The following COL5A1 variants were observed in gnomAD, a reference collection of about 807,000 sequenced individuals.
COL5A1 encodes collagen alpha-1(V) chain.
A neutral mutation model predicts 263.7 loss-of-function variants in COL5A1; 16 were observed. The observed-to-expected ratio is 0.06, with a 90% CI of 0.04 to 0.09. The LOEUF is 0.09. Ranked by LOEUF, COL5A1 falls within the 10% of genes least tolerant of loss-of-function variation. The probability of loss-of-function intolerance (pLI) is 1.00; values close to 1 mark genes in which losing one functional copy is unlikely to be tolerated. For synonymous variants in COL5A1, 1,012 were observed against 1,004.5 expected, an observed-to-expected ratio of 1.01 and a Z score of -0.14; for missense variants, 2,036 against 2,540.5, an observed-to-expected ratio of 0.80 and a Z score of 4.27.
intron 34 of COL5A1, among the ~76,000 whole-genome samples, chr9:134,795,829 C>T (rs1385294309): frequency 1.3e-5 from 2 of 152,260 alleles, no homozygotes; most frequent in Non-Finnish European, 2.9e-5. Context: ...CCTACCTGTC[C>T]AGGATGCCAC....
intron 4 of COL5A1, among the ~76,000 whole-genome samples, chr9:134,720,929 C>T (rs917486230): frequency 7.2e-5 from 11 of 152,130 alleles, no homozygotes; most frequent in Non-Finnish European, 1.3e-4. Flanking sequence ...CTGTGAGGGG[C>T]GGCTCCAGGC....
chr9:134,687,586 G>A (rs1472677758), intron 1 of COL5A1, among the ~76,000 whole-genome samples: 2 of 152,138 alleles, frequency 1.3e-5, no homozygotes, highest in African/African-American at 4.8e-5. Flanking sequence ...TGAAGCTTTC[G>A]GAGCTGGCCT....
intron 57 of COL5A1, among the ~76,000 whole-genome samples, chr9:134,819,672 T>C (rs1838913656): frequency 6.6e-6 from 1 of 152,202 alleles, no homozygotes; most frequent in African/African-American, 2.4e-5. Context: ...GTGTCATGGA[T>C]TCTTCTTTTT....
intron 4 of COL5A1, among the ~76,000 whole-genome samples, chr9:134,719,482 GC>G (rs1309634297): frequency 1.3e-5 from 2 of 152,234 alleles, no homozygotes; most frequent in Non-Finnish European, 2.9e-5. Flanking sequence ...AGATCCTGGC[GC>G]TTGGCCTGCA....
intron 9 of COL5A1, among the ~76,000 whole-genome samples, chr9:134,738,220 G>A (rs530938008): frequency 4.5e-4 from 68 of 152,300 alleles, no homozygotes; most frequent in African/African-American, 1.5e-3. Flanking sequence ...TTCTCGTGGC[G>A]CTGGTCTTGC....
At position 134,818,024 on chromosome 9, in the gene COL5A1, C is replaced by A. The variant is rs1378309397; in HGVS notation, c.4230+193C>A. 6.6e-6 allele frequency among the ~76,000 whole-genome samples: 1 copy of A among 152,194 alleles called. No homozygotes were observed. Among genetic ancestry groups the A allele is most frequent in the Non-Finnish European group, 1.5e-5 (1 of 68,032 alleles). ...CAAGGAGGCAGCCAAGTGGTGGCCA[C>A]AAGACTGGGGCCGTCTGCCTTGCCC... On this transcript the variant is annotated intron_variant, in intron 54 of 65. Transcript: ENST00000371817. The surrounding 1 kb of genome is among the most constrained non-coding windows in gnomAD (Gnocchi z 6.0).
intron 58 of COL5A1, 39 bp from the exon 59 acceptor site, chr9:134,822,058 G>C (rs765039461): frequency 3.1e-6 from 5 of 1,595,014 alleles, no homozygotes; most frequent in Middle Eastern, 1.8e-4. Context: ...GCTCCTCCTC[G>C]TCTGAAGGTG....
intron 1 of COL5A1, among the ~76,000 whole-genome samples, chr9:134,674,860 A>G (rs1344794162): frequency 6.6e-6 from 1 of 152,058 alleles, no homozygotes; most frequent in East Asian, 1.9e-4. Flanking sequence ...CAGCCTGGGT[A>G]ACAGAATGAG....
rs145134399 is a variant in COL5A1, at chr9:134,809,281, C to A, written c.3465C>A (p.Asp1155Glu). The stretch of plus-strand genomic sequence containing the variant: ...GCCCTGTGGGTCCCCCTGGAGAAGA[C>A]GGAGATAAGGTAAGGCAAATCCAGA... ...PAGPVGPPGE[D>E]GDKGEIGEPG... The change falls in exon 43 of 66, where the codon GAC (aspartate) becomes GAA (glutamate). Residue 1155 changes from aspartate (D) to glutamate (E), a missense_variant. Around this residue, in one of 3 missense-constraint regions of COL5A1, gnomAD observed 1,078 missense variants for 1,521.4 expected, o/e 0.71. Coordinates refer to ENST00000371817, the MANE Select transcript of COL5A1 (RefSeq NM_000093.5). The A allele has an allele frequency of 6.2e-7, 1 of 1,607,876 alleles. No homozygotes were observed. Among genetic ancestry groups the A allele is most frequent in the Non-Finnish European group, 8.5e-7 (1 of 1,177,774 alleles).
intron 62 of COL5A1, among the ~76,000 whole-genome samples, chr9:134,825,553 G>T (rs544378939): frequency 6.6e-5 from 10 of 152,092 alleles, no homozygotes; most frequent in African/African-American, 2.2e-4. Context: ...ACCAGAACAC[G>T]TACCCAGTTG....
At position 134,738,909 on chromosome 9, in the gene COL5A1, C is replaced by A. The variant is rs547769123; in HGVS notation, c.1494+101C>A. On this transcript the variant is annotated intron_variant, in intron 11 of 65. Coordinates refer to ENST00000371817, the MANE Select transcript of COL5A1 (RefSeq NM_000093.5). ...GAGCTGTCCCTGCCTGTGGAGGTGACCCAGAGGCTTGTGTCTTCAAATCCC... is the reference window on the plus strand; with the variant it reads ...GAGCTGTCCCTGCCTGTGGAGGTGAACCAGAGGCTTGTGTCTTCAAATCCC... 10 of 963,074 alleles carry A rather than the reference C, an allele frequency of 1.0e-5. No homozygotes were observed. The East Asian group carries it at 2.4e-4, about 23-fold the overall frequency. 59.7% of individuals were successfully genotyped at this position (963,074 alleles called of 1,614,324 possible).
chr9:134,793,669 T>A (rs1232497798), intron 32 of COL5A1, among the ~76,000 whole-genome samples: 1 of 148,714 alleles, frequency 6.7e-6, no homozygotes, highest in Non-Finnish European at 1.5e-5. Context: ...TGGGAATGAG[T>A]AAATCTGGCA....
rs144393449 is a variant in COL5A1, at chr9:134,682,885, C to T, written c.110-8027C>T. Among the ~76,000 whole-genome samples the T allele has an allele frequency of 3.9e-5, 6 of 152,318 alleles. No individual in the cohort carries two copies. In the East Asian group the frequency reaches 1.2e-3, roughly 29 times the overall value. On this transcript the variant is annotated intron_variant, in intron 1 of 65. Coordinates refer to ENST00000371817, the MANE Select transcript of COL5A1 (RefSeq NM_000093.5). This position sits in a 1 kb window ranked among gnomAD's most constrained non-coding sequence, Gnocchi z 5.1. ...CAGCACATCATCCGGTGGGGACAGA[C>T]AGCCTGGGCTTCAAAGGCAGCCGAC...
intron 6 of COL5A1, 120 bp downstream of exon 6, chr9:134,728,927 C>T (rs954334888): frequency 2.1e-5 from 28 of 1,319,300 alleles, no homozygotes; most frequent in Admixed American, 9.4e-5. Context: ...GTGAAGGTTG[C>T]GGGGGCAGCT....
At chr9:134,685,465 C>A (rs1588436069) in intron 1 of COL5A1, among the ~76,000 whole-genome samples, 1 of 125,050 alleles carries the variant, frequency 8.0e-6, no homozygotes, top group Non-Finnish European at 1.7e-5. Context: ...TCCATCCATC[C>A]ATTCATCCAT....
At chr9:134,813,408 A>T (rs1486231849) in intron 48 of COL5A1, among the ~76,000 whole-genome samples, 2 of 152,214 alleles carry the variant, frequency 1.3e-5, no homozygotes, top group Non-Finnish European at 2.9e-5. Flanking sequence ...AGGCCATTAA[A>T]TTGGAAGACG....
chr9:134,824,890 A>AGCGGGCATGGACCTGCAG, intron 62 of COL5A1, 35 bp downstream of exon 62: 9 of 1,589,368 alleles, frequency 5.7e-6, no homozygotes, highest in Non-Finnish European at 7.7e-6. Context: ...GGCCCCCCAA[A>AGCGGGCATGGACCTGCAG]GCGGGCATGG....
At chr9:134,748,622 C>T (rs764700535) in intron 11 of COL5A1, among the ~76,000 whole-genome samples, 3 of 152,170 alleles carry the variant, frequency 2.0e-5, no homozygotes, top group East Asian at 1.9e-4. Flanking sequence ...CGATTTTTGT[C>T]TTCTGAGAGT....
intron 64 of COL5A1, among the ~76,000 whole-genome samples, chr9:134,830,953 G>A (rs1839592990): frequency 6.6e-6 from 1 of 152,176 alleles, no homozygotes; most frequent in South Asian, 2.1e-4. Flanking sequence ...CAAGTTAAAG[G>A]ACCAAGGTTC....
Sources: gnomAD v4.1 joint callset for allele counts (sites outside exome capture counted in the v4.1 genomes callset) on GRCh38, gnomAD v4.1.1 for gene constraint, gnomAD v4.1.1 regional missense constraint, Gnocchi (gnomAD v3.1) non-coding constraint, MANE v1.5 for transcripts, NCBI Gene and HGNC (gene_info 2026-07-23, HGNC 2026-07-21) for gene names.